CSMD1: variants seen among roughly 807,000 people sequenced by gnomAD.
CSMD1 encodes the protein CUB and sushi domain-containing protein 1.
Under a neutral mutation model 417.5 loss-of-function variants are expected in CSMD1, and 213 were observed. The ratio of observed to expected loss-of-function variants is 0.51; its 90% CI spans 0.46 to 0.57. The LOEUF (loss-of-function observed/expected upper bound fraction) is 0.57, where lower values mean the gene tolerates loss of function less well. Among genes scored for constraint, CSMD1 ranks in the 20% least tolerant of loss-of-function variants. The pLI is 0.00. For synonymous variants in CSMD1, 2,862 were observed against 1,736.8 expected, an observed-to-expected ratio of 1.65 and a Z score of -16.11; for missense variants, 6,923 against 4,529.7, an observed-to-expected ratio of 1.53 and a Z score of -15.17.
intron 36 of CSMD1, among the ~76,000 whole-genome samples, chr8:3,181,513 C>T (rs1031117056): frequency 6.6e-6 from 1 of 152,094 alleles, no homozygotes; most frequent in African/African-American, 2.4e-5. Context: ...TAATCTTCTG[C>T]TTCTTAAATT....
At chr8:3,539,980 A>G (rs1798370094) in intron 10 of CSMD1, among the ~76,000 whole-genome samples, 1 of 152,168 alleles carries the variant, frequency 6.6e-6, no homozygotes, top group Non-Finnish European at 1.5e-5. Flanking sequence ...ACAGTCTTCT[A>G]AAGCCTGCTT....
intron 3 of CSMD1, among the ~76,000 whole-genome samples, chr8:4,147,686 T>C (rs1256487064): frequency 6.6e-6 from 1 of 152,162 alleles, no homozygotes; most frequent in African/African-American, 2.4e-5. Context: ...CTTTGAAATA[T>C]CTGACATCAC....
In CSMD1 at chr8:3,118,452, G is replaced by C. The variant is rs746144662; in HGVS notation, c.6377C>G (p.Thr2126Ser). ...GYILIGHPVL[T>S]CQHGINRNWN... ...GTTTCTGTTGATCCCATGCTGACAA[G>C]TGAGGACAGGATGGCCTATTAGAAT... The change falls in exon 42 of 70, where the codon ACT becomes AGT. Residue 2126 changes from threonine to serine, a missense_variant. Coordinates refer to ENST00000635120, the MANE Select transcript of CSMD1 (RefSeq NM_033225.6). 2.5e-6 allele frequency: 4 copies of C among 1,613,876 alleles called. No homozygotes were observed. The highest frequency in any genetic ancestry group is 3.4e-6 in the Non-Finnish European group (4 of 1,179,810).
intron 23 of CSMD1, among the ~76,000 whole-genome samples, chr8:3,320,723 T>C (rs985501932): frequency 4.6e-5 from 7 of 152,186 alleles, no homozygotes. Context: ...AGTGGGTGAC[T>C]GCCATCCATC....
chr8:4,427,298 G>C (rs1797616436), intron 2 of CSMD1, among the ~76,000 whole-genome samples: 1 of 152,120 alleles, frequency 6.6e-6, no homozygotes, highest in Non-Finnish European at 1.5e-5. Flanking sequence ...GCAGGTCTTG[G>C]TACTGTTGAC....
chr8:3,794,104 G>A (rs928611301), intron 5 of CSMD1, among the ~76,000 whole-genome samples: 2 of 152,108 alleles, frequency 1.3e-5, no homozygotes, highest in African/African-American at 4.8e-5. Context: ...ATGCAGGGTC[G>A]CAGGCACACA....
chr8:3,531,967 C>G (rs1339607503), intron 10 of CSMD1, among the ~76,000 whole-genome samples: 1 of 152,200 alleles, frequency 6.6e-6, no homozygotes, highest in Non-Finnish European at 1.5e-5. Flanking sequence ...AAATAAAAGA[C>G]TGGAATGGGG....
chr8:3,980,785 G>T (rs1011650600), intron 5 of CSMD1, among the ~76,000 whole-genome samples: 2 of 152,150 alleles, frequency 1.3e-5, no homozygotes, highest in Admixed American at 1.3e-4. Flanking sequence ...TTCTCACTTA[G>T]ACTGGGGATA....
chr8:4,382,521 CTG>C (rs1803168214), intron 3 of CSMD1, among the ~76,000 whole-genome samples: 1 of 152,116 alleles, frequency 6.6e-6, no homozygotes, highest in Admixed American at 6.5e-5. Context: ...TTCTTTTAAA[CTG>C]TATTGCAAAA....
intron 1 of CSMD1, among the ~76,000 whole-genome samples, chr8:4,849,482 T>TCA (rs1801339130): frequency 6.6e-6 from 1 of 152,156 alleles, no homozygotes; most frequent in South Asian, 2.1e-4. Flanking sequence ...CTCCTAGATC[T>TCA]CACGTTCAAT....
In CSMD1 at chr8:3,928,426, C is replaced by G. The variant is rs533444117; in HGVS notation, c.818+69477G>C. On this transcript the variant is annotated intron_variant, in intron 5 of 69. Transcript: ENST00000635120. ...TATCAGCACAAGCAATGAGTCCTAA[C>G]TTTTCAAAAACCAGTAACTGCTGAA... Among the ~76,000 whole-genome samples the G allele has an allele frequency of 1.6e-4, 24 of 152,280 alleles. No homozygotes were observed. The South Asian group carries it at 2.5e-3, about 16-fold the overall frequency.
intron 1 of CSMD1, among the ~76,000 whole-genome samples, chr8:4,791,236 G>C (rs910251667): frequency 4.0e-5 from 6 of 149,640 alleles, no homozygotes; most frequent in Middle Eastern, 3.5e-3. Context: ...GAAGGAACGT[G>C]CCTGGGGTTG....
chr8:3,965,909 G>A (rs1436213615), intron 5 of CSMD1, among the ~76,000 whole-genome samples: 1 of 152,174 alleles, frequency 6.6e-6, no homozygotes, highest in East Asian at 1.9e-4. Flanking sequence ...GAGCCACCAT[G>A]CCCGGCCAAT....
chr8:3,507,677 A>AC (rs1277137059), intron 10 of CSMD1, among the ~76,000 whole-genome samples: 2 of 152,116 alleles, frequency 1.3e-5, no homozygotes, highest in African/African-American at 4.8e-5. Context: ...TTGTTTCCTG[A>AC]CTTTTTAATG....
intron 2 of CSMD1, among the ~76,000 whole-genome samples, chr8:4,464,389 C>G (rs1467923635): frequency 6.6e-6 from 1 of 152,170 alleles, no homozygotes; most frequent in Non-Finnish European, 1.5e-5. Context: ...TTTAATATAC[C>G]TAACCTGCAA....
Position 3,000,017 on chromosome 8 carries a change from G to C in CSMD1, c.8144C>G (p.Thr2715Ser). The C allele has an allele frequency of 6.2e-7, 1 of 1,608,022 alleles. No homozygotes were observed. The highest frequency in any genetic ancestry group is 8.5e-7 in the Non-Finnish European group (1 of 1,178,894). ...GTCTTGCAGGCATATCCTCACGGAA[G>C]TTCCCACAAGCCGGAAACCAGGATT... is the stretch of plus-strand genomic sequence containing the variant. Reference protein sequence around the residue: ...QCNPGFRLVGTSVRICLQDHK... With the variant: ...QCNPGFRLVGSSVRICLQDHK... Residue 2715 changes from threonine (T) to serine (S), a missense_variant, in exon 53 of 70, where the codon ACT becomes AGT. Thr to Ser is a moderately conservative substitution (Grantham distance 58). Transcript: ENST00000635120.
intron 1 of CSMD1, among the ~76,000 whole-genome samples, chr8:4,941,813 G>A (rs1267717463): frequency 1.3e-5 from 2 of 152,002 alleles, no homozygotes; most frequent in Non-Finnish European, 2.9e-5. Context: ...TGCCCAGGAT[G>A]GTCTTGAACT....
intron 21 of CSMD1, among the ~76,000 whole-genome samples, chr8:3,357,806 A>C (rs535978166): frequency 4.6e-5 from 7 of 152,292 alleles, no homozygotes; most frequent in Non-Finnish European, 7.4e-5. Flanking sequence ...TTTGCCTTCC[A>C]TTCTCAAATA....
At chr8:3,846,482 C>T (rs562966602) in intron 5 of CSMD1, among the ~76,000 whole-genome samples, 18 of 152,218 alleles carry the variant, frequency 1.2e-4, no homozygotes, top group South Asian at 6.2e-4. Context: ...AGTTTTTTCA[C>T]GTGTGAAACT....
Sources: allele counts gnomAD v4.1 joint callset (sites outside exome capture counted in the v4.1 genomes callset), GRCh38; gene constraint gnomAD v4.1.1; transcripts MANE v1.5; gene names NCBI Gene and HGNC (gene_info 2026-07-23, HGNC 2026-07-21).